The following MGMT variants were observed in gnomAD, a reference collection of about 807,000 sequenced individuals.
MGMT encodes O-6-methylguanine-DNA methyltransferase.
A neutral mutation model predicts 15.9 loss-of-function variants in MGMT; 14 were observed. The observed-to-expected ratio is 0.88, with a 90% CI of 0.58 to 1.37. MGMT has a LOEUF of 1.37. Among genes scored for constraint, MGMT ranks in the 40% most tolerant of loss-of-function variants. The pLI is 0.00. For synonymous variants in MGMT, 130 were observed against 118.2 expected (o/e 1.10, Z -0.65); for missense variants, 282 against 268.1 (o/e 1.05, Z -0.36).
chr10:129,739,400 AC>A (rs1848604257), intron 3 of MGMT, among the ~76,000 whole-genome samples: 1 of 152,188 alleles, frequency 6.6e-6, no homozygotes. Context: ...TATTTAGAAA[AC>A]CCCATTGTCT....
intron 3 of MGMT, among the ~76,000 whole-genome samples, chr10:129,755,701 C>T (rs2133182504): frequency 6.6e-6 from 1 of 152,362 alleles, no homozygotes; most frequent in South Asian, 2.1e-4. Context: ...GAGCCCTGAT[C>T]TCAGAGAGGG....
chr10:129,527,608 C>T (rs1313230318), intron 1 of MGMT, among the ~76,000 whole-genome samples: 4 of 152,180 alleles, frequency 2.6e-5, no homozygotes, highest in South Asian at 4.2e-4. Flanking sequence ...GTTCACAGCA[C>T]GCTTATAGCC....
At chr10:129,501,543 A>C (rs771369680) in intron 1 of MGMT, among the ~76,000 whole-genome samples, 1 of 152,088 alleles carries the variant, frequency 6.6e-6, no homozygotes, top group Non-Finnish European at 1.5e-5. Context: ...ACTCCTTTTT[A>C]TCTGCCTTGT....
chr10:129,753,147 T>C (rs1025703064), intron 3 of MGMT, among the ~76,000 whole-genome samples: 2 of 152,156 alleles, frequency 1.3e-5, no homozygotes, highest in African/African-American at 4.8e-5. Context: ...ACTTCAAAAG[T>C]GCTGTTTTAC....
rs973971657 is a variant in MGMT, at chr10:129,478,571, A to G, written c.-13+11275A>G. Among the ~76,000 whole-genome samples, 4 of 151,914 alleles carry G rather than the reference A, an allele frequency of 2.6e-5. No individual in the cohort carries two copies. In the South Asian group the frequency reaches 8.3e-4, roughly 32 times the overall value. On this transcript the variant is annotated intron_variant, in intron 1 of 4. Transcript: ENST00000651593. Reference sequence around the variant, plus strand: ...GCTGTGGATTGTAGATCTGCAAAATATATCAAGTTCACAGGGATTTTATGA... The same window carrying G: ...GCTGTGGATTGTAGATCTGCAAAATGTATCAAGTTCACAGGGATTTTATGA...
intron 2 of MGMT, among the ~76,000 whole-genome samples, chr10:129,650,070 T>C (rs1165135029): frequency 6.6e-6 from 1 of 152,254 alleles, no homozygotes; most frequent in Non-Finnish European, 1.5e-5. Flanking sequence ...TATTAATTCA[T>C]GCAAGAAACA....
chr10:129,552,091 A>T (rs1425813344), intron 2 of MGMT, among the ~76,000 whole-genome samples: 1 of 152,192 alleles, frequency 6.6e-6, no homozygotes, highest in African/African-American at 2.4e-5. Flanking sequence ...AAAATAGGTG[A>T]TTGTTTTAAC....
intron 2 of MGMT, among the ~76,000 whole-genome samples, chr10:129,619,742 G>T (rs1477969666): frequency 6.6e-6 from 1 of 152,054 alleles, no homozygotes; most frequent in Non-Finnish European, 1.5e-5. Flanking sequence ...GAGTTTATTG[G>T]CATTAATTGT....
intron 3 of MGMT, among the ~76,000 whole-genome samples, chr10:129,750,529 G>A (rs1049164027): frequency 1.1e-4 from 16 of 152,056 alleles, no homozygotes; most frequent in African/African-American, 1.4e-4. Context: ...TACTGAAAGC[G>A]TACAGACTTT....
chr10:129,605,885 A>T (rs898198831), intron 2 of MGMT, among the ~76,000 whole-genome samples: 13 of 147,536 alleles, frequency 8.8e-5, no homozygotes, highest in African/African-American at 3.2e-4. Context: ...AAGAACGGTG[A>T]TTTTTTTTTT....
chr10:129,549,702 A>G (rs1490547249), intron 2 of MGMT, among the ~76,000 whole-genome samples: 2 of 152,156 alleles, frequency 1.3e-5, no homozygotes, highest in Non-Finnish European at 2.9e-5. Context: ...GAGATGATAA[A>G]ATTTTTTGTC....
rs114545994 is a variant in MGMT at position 129,594,903 on chromosome 10, C to T, written c.125+58526C>T. Among the ~76,000 whole-genome samples, 833 of 152,274 alleles carry T rather than the reference C, an allele frequency of 5.5e-3. 12 individuals carry two copies. Among genetic ancestry groups the T allele is most frequent in the African/African-American group, 0.019 (801 of 41,562 alleles). On this transcript the variant is annotated intron_variant, in intron 2 of 4. Coordinates refer to ENST00000651593, the MANE Select transcript of MGMT (RefSeq NM_002412.5). Reference sequence around the variant, plus strand: ...CAGGTGACCTTCGGACCAGCATTGCCGGCACACCCGTCACGCCATCAACCT... The same window carrying T: ...CAGGTGACCTTCGGACCAGCATTGCTGGCACACCCGTCACGCCATCAACCT...
rs984033289 is a variant in MGMT, at chr10:129,769,205, A to T, written c.*2208A>T. 1.3e-5 allele frequency: 2 copies of T among 152,290 alleles called. No individual in the cohort carries two copies. Among genetic ancestry groups the T allele is most frequent in the African/African-American group, 2.4e-5 (1 of 41,450 alleles). 9.4% of individuals were successfully genotyped at this position (152,290 alleles called of 1,614,324 possible). ...CCGCGGCCCTGTCAGAACAGGCTTGATAGATGCCCGGAGGTTCCCTCTGAC... is the reference window on the plus strand; with the variant it reads ...CCGCGGCCCTGTCAGAACAGGCTTGTTAGATGCCCGGAGGTTCCCTCTGAC... On this transcript the variant is annotated 3_prime_UTR_variant, in exon 5 of 5. Transcript: ENST00000651593.
intron 2 of MGMT, among the ~76,000 whole-genome samples, chr10:129,642,233 G>A (rs1313958435): frequency 6.6e-6 from 1 of 152,124 alleles, no homozygotes; most frequent in African/African-American, 2.4e-5. Flanking sequence ...GGGCGTAGGG[G>A]GCATAAATGG....
chr10:129,500,347 C>T (rs553065724), intron 1 of MGMT, among the ~76,000 whole-genome samples: 47 of 152,162 alleles, frequency 3.1e-4, no homozygotes, highest in South Asian at 1.7e-3. Context: ...CTGCTTCAGC[C>T]GACAGGAGGG....
intron 2 of MGMT, among the ~76,000 whole-genome samples, chr10:129,552,287 T>C (rs140065808): frequency 2.6e-5 from 4 of 152,282 alleles, no homozygotes; most frequent in African/African-American, 9.6e-5. Flanking sequence ...CTGCTGGCAG[T>C]GCACACCCGG....
intron 1 of MGMT, among the ~76,000 whole-genome samples, chr10:129,510,995 C>T (rs111366197): frequency 3.5e-5 from 5 of 143,986 alleles, no homozygotes; most frequent in Non-Finnish European, 6.0e-5. Context: ...GTATACCGTC[C>T]GCAGCCAGAC....
intron 2 of MGMT, among the ~76,000 whole-genome samples, chr10:129,578,338 G>A (rs942560181): frequency 2.0e-5 from 3 of 152,130 alleles, no homozygotes; most frequent in Non-Finnish European, 2.9e-5. Flanking sequence ...ATACACCATG[G>A]AATACTATGC....
intron 2 of MGMT, among the ~76,000 whole-genome samples, chr10:129,548,216 G>C (rs1234676536): frequency 6.6e-6 from 1 of 152,206 alleles, no homozygotes; most frequent in African/African-American, 2.4e-5. Flanking sequence ...AATGGTGTGT[G>C]TAAGTAGGTG....
Sources: allele counts gnomAD v4.1 joint callset (sites outside exome capture counted in the v4.1 genomes callset), GRCh38; gene constraint gnomAD v4.1.1; transcripts MANE v1.5; gene names NCBI Gene and HGNC (gene_info 2026-07-23, HGNC 2026-07-21).